The following KAT6B variants were observed in gnomAD, a reference collection of about 807,000 sequenced individuals.
KAT6B encodes histone acetyltransferase KAT6B.
KAT6B carries 10 observed loss-of-function variants against 187.5 expected under a neutral mutation model. The observed-to-expected ratio is 0.05, with a 90% CI of 0.03 to 0.09. The LOEUF (loss-of-function observed/expected upper bound fraction) is 0.09, where lower values mean the gene tolerates loss of function less well. Among genes scored for constraint, KAT6B ranks in the 10% least tolerant of loss-of-function variants. The probability of loss-of-function intolerance (pLI) is 1.00; values close to 1 mark genes in which losing one functional copy is unlikely to be tolerated. For missense variants in KAT6B, 1,952 were observed against 2,558.9 expected (o/e 0.76, Z 5.12); for synonymous variants, 861 against 926.8 (o/e 0.93, Z 1.29).
intron 13 of KAT6B, among the ~76,000 whole-genome samples, chr10:75,009,739 C>T (rs1185679524): frequency 1.3e-5 from 2 of 152,220 alleles, no homozygotes; most frequent in East Asian, 3.8e-4. Context: ...GGCGCAGTGG[C>T]TCATGCCTGT....
At chr10:74,857,457 T>C (rs1035674455) in intron 3 of KAT6B, among the ~76,000 whole-genome samples, 5 of 152,212 alleles carry the variant, frequency 3.3e-5, no homozygotes, top group African/African-American at 9.6e-5. Context: ...GGACAGTTTT[T>C]CAGCTTTTAA....
intron 12 of KAT6B, among the ~76,000 whole-genome samples, chr10:74,986,637 A>C (rs985508511): frequency 4.6e-5 from 7 of 152,254 alleles, no homozygotes; most frequent in Non-Finnish European, 8.8e-5. Context: ...GAAAAAGAAG[A>C]AAGTTAATTT....
Position 74,899,248 on chromosome 10 carries a change from AATTATTATTATT to A in KAT6B, c.621+55801_621+55812del, listed in dbSNP as rs67324777. Among the ~76,000 whole-genome samples the A allele has an allele frequency of 5.7e-3, 812 of 142,322 alleles. 7 individuals carry two copies. Among genetic ancestry groups the A allele is most frequent in the Middle Eastern group, 0.036 (10 of 274 alleles). The allele number at this position is 142,322 out of a possible 152,430, so 93.4% of individuals were successfully genotyped here. ...ACAACTATTTCTAAAATTCTAAATG[AATTATTATTATT>A]ATTATTATTATTATTATTATTATTA... On this transcript the variant is annotated intron_variant, in intron 3 of 17. Coordinates refer to ENST00000287239, the MANE Select transcript of KAT6B (RefSeq NM_012330.4).
At chr10:74,970,969 A>G (rs1185559957) in intron 6 of KAT6B, among the ~76,000 whole-genome samples, 2 of 152,172 alleles carry the variant, frequency 1.3e-5, no homozygotes, top group South Asian at 2.1e-4. Flanking sequence ...CCTGGCAACT[A>G]TGGGTCACAG....
At chr10:74,985,383 C>T in intron 12 of KAT6B, 142 bp downstream of exon 12, 1 of 875,900 alleles carries the variant, frequency 1.1e-6, no homozygotes. Flanking sequence ...TTGTTCAGAG[C>T]TCATTTTAAA....
chr10:75,028,816 C>A lies in KAT6B; in HGVS notation c.3992C>A (p.Ala1331Asp), dbSNP rs201891685. ...QEENRREETC[A>D]PVSPNTSPGE... The stretch of plus-strand genomic sequence containing the variant: ...GAAAACAGAAGGGAAGAAACATGTG[C>A]CCCTGTAAGTCCAAACACATCACCA... The change falls in exon 18 of 18, where the codon GCC becomes GAC. Residue 1331 changes from alanine (A) to aspartate (D), a missense_variant. Physicochemically the swap from Ala to Asp is moderately radical, Grantham distance 126. Coordinates refer to ENST00000287239, the MANE Select transcript of KAT6B (RefSeq NM_012330.4). 7.4e-6 allele frequency: 12 copies of A among 1,613,812 alleles called. No homozygotes were observed. The highest frequency in any genetic ancestry group is 8.5e-7 in the Non-Finnish European group (1 of 1,180,014).
intron 3 of KAT6B, among the ~76,000 whole-genome samples, chr10:74,942,894 T>G (rs1036337814): frequency 6.6e-6 from 1 of 151,878 alleles, no homozygotes; most frequent in Admixed American, 6.6e-5. Context: ...CTATTCAGCA[T>G]TGTACTGGAG....
intron 3 of KAT6B, among the ~76,000 whole-genome samples, chr10:74,907,152 A>G (rs1564555510): frequency 6.6e-6 from 1 of 152,196 alleles, no homozygotes; most frequent in East Asian, 1.9e-4. Flanking sequence ...CTCTTGTTCC[A>G]TTCTCTTTTC....
intron 13 of KAT6B, among the ~76,000 whole-genome samples, chr10:75,014,552 AATAG>A (rs774307735): frequency 9.2e-5 from 14 of 152,178 alleles, no homozygotes; most frequent in South Asian, 2.1e-4. Context: ...CAGTAAAATT[AATAG>A]ATAGAGCCCT....
intron 3 of KAT6B, among the ~76,000 whole-genome samples, chr10:74,902,755 CT>C (rs1199372342): frequency 6.6e-6 from 1 of 152,168 alleles, no homozygotes; most frequent in Non-Finnish European, 1.5e-5. Context: ...TGGTGTGAAT[CT>C]TTTATTAATT....
At chr10:74,866,109 A>G (rs1001652419) in intron 3 of KAT6B, among the ~76,000 whole-genome samples, 5 of 152,146 alleles carry the variant, frequency 3.3e-5, no homozygotes, top group African/African-American at 1.2e-4. Context: ...CTGATCCCTC[A>G]TGTATAACAA....
chr10:74,901,459 A>G (rs1486010497), intron 3 of KAT6B, among the ~76,000 whole-genome samples: 1 of 152,220 alleles, frequency 6.6e-6, no homozygotes. Flanking sequence ...TAATGAGCTG[A>G]TTGAAGTGAT....
intron 3 of KAT6B, among the ~76,000 whole-genome samples, chr10:74,944,677 C>A (rs1849973907): frequency 6.6e-6 from 1 of 152,016 alleles, no homozygotes; most frequent in African/African-American, 2.4e-5. Flanking sequence ...GGCGTAGTGG[C>A]AGGCGCCTGT....
intron 3 of KAT6B, among the ~76,000 whole-genome samples, chr10:74,919,351 A>G (rs1847944141): frequency 6.6e-6 from 1 of 152,084 alleles, no homozygotes; most frequent in Admixed American, 6.6e-5. Flanking sequence ...TTAGTTCAGG[A>G]AAATTCGCAG....
intron 13 of KAT6B, among the ~76,000 whole-genome samples, chr10:75,004,268 A>G (rs1260483804): frequency 1.3e-5 from 2 of 152,210 alleles, no homozygotes; most frequent in African/African-American, 2.4e-5. Flanking sequence ...ACTCCAAGCC[A>G]TGAGCACAGT....
At chr10:74,849,247 G>T (rs1842313194) in intron 3 of KAT6B, among the ~76,000 whole-genome samples, 1 of 151,874 alleles carries the variant, frequency 6.6e-6, no homozygotes, top group Non-Finnish European at 1.5e-5. Context: ...CTCCCAAAAT[G>T]CTGGGATTAT....
At chr10:74,995,534 G>T (rs1439320922) in intron 13 of KAT6B, among the ~76,000 whole-genome samples, 2 of 151,978 alleles carry the variant, frequency 1.3e-5, no homozygotes, top group Admixed American at 6.6e-5. Flanking sequence ...GTTTCTTTGT[G>T]TACAAATGAG....
At position 75,021,870 on chromosome 10, in the gene KAT6B, T is replaced by C; in HGVS notation, c.3022-11T>C. 6.2e-7 allele frequency: 1 copy of C among 1,613,884 alleles called. No individual in the cohort carries two copies. Among genetic ancestry groups the C allele is most frequent in the Non-Finnish European group, 8.5e-7 (1 of 1,179,962 alleles). ...CTCTCACTGGCCACCATTTTTACCCTCCCCACTTAGGCTGAGCGGCTAATG... is the reference window on the plus strand; with the variant it reads ...CTCTCACTGGCCACCATTTTTACCCCCCCCACTTAGGCTGAGCGGCTAATG... On this transcript the variant is annotated splice_polypyrimidine_tract_variant and intron_variant, in intron 15 of 17. Coordinates refer to ENST00000287239, the MANE Select transcript of KAT6B (RefSeq NM_012330.4).
intron 3 of KAT6B, among the ~76,000 whole-genome samples, chr10:74,900,184 G>A (rs1846279266): frequency 6.6e-6 from 1 of 152,088 alleles, no homozygotes; most frequent in Non-Finnish European, 1.5e-5. Context: ...AAGTAACATT[G>A]ATACTAACAC....
Sources: allele counts gnomAD v4.1 joint callset (sites outside exome capture counted in the v4.1 genomes callset), GRCh38; gene constraint gnomAD v4.1.1; transcripts MANE v1.5; gene names NCBI Gene and HGNC (gene_info 2026-07-23, HGNC 2026-07-21).